Variants in SNTG1 observed in about 807,000 individuals in gnomAD.
The protein encoded by SNTG1 is syntrophin gamma 1.
A neutral mutation model predicts 74.7 loss-of-function variants in SNTG1; 39 were observed. The observed-to-expected ratio is 0.52, with a 90% CI of 0.40 to 0.68. The LOEUF (loss-of-function observed/expected upper bound fraction) is 0.68, where lower values mean the gene tolerates loss of function less well. Among genes scored for constraint, SNTG1 ranks in the 30% least tolerant of loss-of-function variants. The pLI, the probability that SNTG1 is intolerant of heterozygous loss-of-function variation, is 0.00. For synonymous variants in SNTG1, 254 were observed against 217.1 expected (o/e 1.17, Z -1.49); for missense variants, 685 against 609.5 (o/e 1.12, Z -1.30).
intron 2 of SNTG1, among the ~76,000 whole-genome samples, chr8:50,194,854 T>C (rs934199651): frequency 6.6e-6 from 1 of 152,120 alleles, no homozygotes. Context: ...CCAGAGATTT[T>C]GATAGATTGT....
At chr8:50,664,676 A>G (rs1489022219) in intron 15 of SNTG1, among the ~76,000 whole-genome samples, 29 of 152,158 alleles carry the variant, frequency 1.9e-4, no homozygotes, top group Admixed American at 1.5e-3. Context: ...ACAGCTACCA[A>G]TGGAACTTAG....
chr8:50,731,690 C>G (rs1052503836), intron 17 of SNTG1, among the ~76,000 whole-genome samples: 4 of 152,064 alleles, frequency 2.6e-5, no homozygotes, highest in Non-Finnish European at 4.4e-5. Context: ...GCAATGTAAA[C>G]TACATGCTAT....
At chr8:50,652,697 T>G (rs2095155200) in intron 13 of SNTG1, among the ~76,000 whole-genome samples, 1 of 152,030 alleles carries the variant, frequency 6.6e-6, no homozygotes, top group Non-Finnish European at 1.5e-5. Context: ...CTCGGGAGGC[T>G]GAGGCAGGAG....
intron 1 of SNTG1, among the ~76,000 whole-genome samples, chr8:50,153,357 C>T (rs563655123): frequency 6.6e-6 from 1 of 152,250 alleles, no homozygotes; most frequent in African/African-American, 2.4e-5. Flanking sequence ...CAAACTTCCT[C>T]CGTTAGCTCA....
Position 50,604,584 on chromosome 8 carries a change from A to G in SNTG1, c.849+13667A>G, listed in dbSNP as rs145315452. ...TACCACCAATATTCACTTAAAGTCC[A>G]AGGGCTCTTCAGTGTGCTTGTGGTG... On this transcript the variant is annotated intron_variant, in intron 13 of 18. Transcript: ENST00000642720. Among the ~76,000 whole-genome samples the G allele has an allele frequency of 2.0e-5, 3 of 152,170 alleles. No individual in the cohort carries two copies. In the East Asian group the frequency reaches 5.8e-4, roughly 30 times the overall value.
At chr8:50,531,328 C>CTTT (rs534775183) in intron 10 of SNTG1, among the ~76,000 whole-genome samples, 1 of 144,324 alleles carries the variant, frequency 6.9e-6, no homozygotes, top group African/African-American at 2.5e-5. Context: ...ATCTTTGAAA[C>CTTT]TTTTTTTTTT....
chr8:50,414,406 T>G (rs1039875568), intron 4 of SNTG1, among the ~76,000 whole-genome samples: 4 of 152,088 alleles, frequency 2.6e-5, no homozygotes, highest in African/African-American at 4.8e-5. Context: ...CTATAATCCT[T>G]TGGGTGATAG....
chr8:50,468,830 C>G (rs2093629410), intron 8 of SNTG1, among the ~76,000 whole-genome samples: 1 of 152,080 alleles, frequency 6.6e-6, no homozygotes, highest in Admixed American at 6.6e-5. Context: ...TTCCATTATG[C>G]GTTTTTAAAA....
chr8:50,122,622 G>T (rs1030196308), intron 1 of SNTG1, among the ~76,000 whole-genome samples: 1 of 141,976 alleles, frequency 7.0e-6, no homozygotes, highest in Non-Finnish European at 1.6e-5. Context: ...AGGTGAGGCG[G>T]TAGCTCAGGA....
intron 8 of SNTG1, among the ~76,000 whole-genome samples, chr8:50,471,766 T>A (rs1252063706): frequency 6.6e-6 from 1 of 152,128 alleles, no homozygotes; most frequent in Non-Finnish European, 1.5e-5. Context: ...TGAAATACTA[T>A]TTTGGAATAA....
At chr8:50,681,925 T>C (rs1471812951) in intron 15 of SNTG1, among the ~76,000 whole-genome samples, 1 of 152,168 alleles carries the variant, frequency 6.6e-6, no homozygotes, top group Non-Finnish European at 1.5e-5. Flanking sequence ...TCAAGAGATG[T>C]TCTGACTTTT....
At position 50,792,920 on chromosome 8, in the gene SNTG1, C is replaced by G. The variant is rs113770968; in HGVS notation, c.*91C>G. ...AGACCCTAGAGAAACCATAACATCACCAAGTCGACAGTGGAGGCAAATCAA... is the reference window on the plus strand; with the variant it reads ...AGACCCTAGAGAAACCATAACATCAGCAAGTCGACAGTGGAGGCAAATCAA... On this transcript the variant is annotated 3_prime_UTR_variant, in exon 19 of 19. Transcript: ENST00000642720. 2.2e-6 allele frequency: 3 copies of G among 1,374,692 alleles called. No homozygotes were observed. Among genetic ancestry groups the G allele is most frequent in the African/African-American group, 1.5e-5 (1 of 68,202 alleles). 85.2% of individuals were successfully genotyped at this position (1,374,692 alleles called of 1,614,324 possible). A position where few individuals can be genotyped will look rare whatever the true frequency, so the allele number is the denominator to read the frequency against.
chr8:50,524,976 AT>A (rs2094208673), intron 9 of SNTG1, among the ~76,000 whole-genome samples: 1 of 152,012 alleles, frequency 6.6e-6, no homozygotes, highest in Non-Finnish European at 1.5e-5. Flanking sequence ...AGAGGACATT[AT>A]TTTTTATATG....
At chr8:49,994,559 C>T (rs1160584234) in intron 1 of SNTG1, among the ~76,000 whole-genome samples, 1 of 151,898 alleles carries the variant, frequency 6.6e-6, no homozygotes, top group African/African-American at 2.4e-5. Flanking sequence ...GCCACCGTGC[C>T]TGGCCAAGAT....
chr8:50,715,561 G>A (rs921725598), intron 17 of SNTG1, among the ~76,000 whole-genome samples: 3 of 152,140 alleles, frequency 2.0e-5, no homozygotes, highest in African/African-American at 7.2e-5. Context: ...ACAGTCGTAA[G>A]AATGAGCTCT....
At chr8:50,437,045 T>G (rs1345351824) in intron 4 of SNTG1, among the ~76,000 whole-genome samples, 1 of 152,164 alleles carries the variant, frequency 6.6e-6, no homozygotes, top group Admixed American at 6.5e-5. Context: ...TTGCATAAAT[T>G]GTTATACACA....
At chr8:50,216,718 G>A (rs1467421509) in intron 2 of SNTG1, among the ~76,000 whole-genome samples, 1 of 152,046 alleles carries the variant, frequency 6.6e-6, no homozygotes, top group Admixed American at 6.6e-5. Flanking sequence ...TGTTGAATTA[G>A]AAATTAAAAT....
intron 17 of SNTG1, among the ~76,000 whole-genome samples, chr8:50,737,107 A>G (rs2095530806): frequency 6.6e-6 from 1 of 152,134 alleles, no homozygotes; most frequent in South Asian, 2.1e-4. Flanking sequence ...CCCTTCAAAA[A>G]ATCAATGAAT....
chr8:50,402,658 G>A (rs1351686793), intron 4 of SNTG1, among the ~76,000 whole-genome samples: 1 of 152,152 alleles, frequency 6.6e-6, no homozygotes, highest in Non-Finnish European at 1.5e-5. Flanking sequence ...ACTGTGCATG[G>A]TGATGGCTTT....
Sources: allele counts gnomAD v4.1 joint callset (sites outside exome capture counted in the v4.1 genomes callset), GRCh38; gene constraint gnomAD v4.1.1; transcripts MANE v1.5; gene names NCBI Gene and HGNC (gene_info 2026-07-23, HGNC 2026-07-21).